Variants in SLC18A2 observed in about 807,000 individuals in gnomAD.
SLC18A2 encodes solute carrier family 18 member A2.
In SLC18A2, 33 loss-of-function variants were observed where a neutral mutation model predicts 59.2. The observed-to-expected ratio is 0.56, with a 90% CI of 0.42 to 0.75. The LOEUF (loss-of-function observed/expected upper bound fraction) is 0.75. SLC18A2 is among the 30% of genes least tolerant of loss of function. The pLI is 0.00. For missense variants in SLC18A2, 569 were observed against 668.6 expected, an observed-to-expected ratio of 0.85 and a Z score of 1.64; for synonymous variants, 228 against 253.5, an observed-to-expected ratio of 0.90 and a Z score of 0.95.
At chr10:117,258,940 C>A (rs994903171) in intron 10 of SLC18A2, among the ~76,000 whole-genome samples, 1 of 152,088 alleles carries the variant, frequency 6.6e-6, no homozygotes, top group Non-Finnish European at 1.5e-5. Flanking sequence ...CTAATGACAC[C>A]CCCTTTTTAA....
chr10:117,254,165 G>A (rs745395663), intron 5 of SLC18A2, 34 bp downstream of exon 5: 2 of 1,601,996 alleles, frequency 1.2e-6, no homozygotes, highest in Non-Finnish European at 1.7e-6. Context: ...GTTCGTGAGG[G>A]GCCCCTTGCA....
chr10:117,273,730 A>G (rs1479197465), intron 15 of SLC18A2, among the ~76,000 whole-genome samples: 1 of 152,226 alleles, frequency 6.6e-6, no homozygotes, highest in East Asian at 1.9e-4. Flanking sequence ...CCTACTCAGA[A>G]GGCCCAGGAC....
At chr10:117,258,013 C>G (rs1347065869) in intron 10 of SLC18A2, 121 bp downstream of exon 10, 1 of 628,348 alleles carries the variant, frequency 1.6e-6, no homozygotes, top group African/African-American at 1.8e-5. Context: ...TTCTGTTTGA[C>G]TCTTAATGGG....
rs968267761 is a variant in SLC18A2 at position 117,277,187 on chromosome 10, C to T, written c.1466C>T (p.Pro489Leu). ...GCTATTCTCATGGATCACAACTGCC[C>T]TATTAAAACAAAAATGTACACTCAG... ...KMAILMDHNC[P>L]IKTKMYTQNN... Residue 489 changes from proline (P) to leucine (L), a missense_variant, in exon 16 of 16, where the codon CCT (proline) becomes CTT (leucine). Physicochemically the swap from Pro to Leu is moderately conservative, Grantham distance 98 (BLOSUM62 -3). Coordinates refer to ENST00000644641, the MANE Select transcript of SLC18A2 (RefSeq NM_003054.6). The T allele has an allele frequency of 1.2e-6, 2 of 1,607,966 alleles. No individual in the cohort carries two copies. The highest frequency in any genetic ancestry group is 8.5e-7 in the Non-Finnish European group (1 of 1,175,266).
chr10:117,273,809 T>G (rs1725292941), intron 15 of SLC18A2, among the ~76,000 whole-genome samples: 1 of 152,232 alleles, frequency 6.6e-6, no homozygotes, highest in African/African-American at 2.4e-5. Flanking sequence ...TACCCCAGCT[T>G]TGTATTACTT....
In SLC18A2 at chr10:117,269,258, GAC is replaced by G. The variant is rs1844394447; in HGVS notation, c.1187-809_1187-808del. 1.3e-5 allele frequency among the ~76,000 whole-genome samples: 2 copies of G among 150,984 alleles called. No homozygotes were observed. The highest frequency in any genetic ancestry group is 6.6e-5 in the Admixed American group (1 of 15,146). ...GTACATACACAAACACATATACACA[GAC>G]ACATACACATGCAAACACATGTACA... On this transcript the variant is annotated intron_variant, in intron 13 of 15. Coordinates refer to ENST00000644641, the MANE Select transcript of SLC18A2 (RefSeq NM_003054.6). This position sits in a 1 kb window ranked among gnomAD's most constrained non-coding sequence, Gnocchi z 5.1.
chr10:117,259,420 C>T (rs919727739), intron 10 of SLC18A2, among the ~76,000 whole-genome samples: 4 of 152,154 alleles, frequency 2.6e-5, no homozygotes, highest in Non-Finnish European at 4.4e-5. Context: ...CCCATCACCC[C>T]AGCATCTTCT....
At chr10:117,266,429 C>T (rs1844349433) in intron 10 of SLC18A2, among the ~76,000 whole-genome samples, 2 of 152,198 alleles carry the variant, frequency 1.3e-5, no homozygotes, top group Admixed American at 6.5e-5. Flanking sequence ...GCTGAGCTCC[C>T]AGGCAGGAGC....
Position 117,241,723 on chromosome 10 carries a change from C to G in SLC18A2, c.30C>G (p.Arg10=). The G allele has an allele frequency of 6.2e-7, 1 of 1,605,868 alleles. No individual in the cohort carries two copies. The highest frequency in any genetic ancestry group is 8.5e-7 in the Non-Finnish European group (1 of 1,177,256). The change falls in exon 2 of 16, where the codon CGC becomes CGG. Residue 10 remains arginine, a synonymous_variant. Coordinates refer to ENST00000644641, the MANE Select transcript of SLC18A2 (RefSeq NM_003054.6). ...CCCTGAGCGAGCTGGCGCTGGTCCG[C>G]TGGCTGCAGGAGAGCCGCCGCTCGC... MALSELALV[R]WLQESRRSRK...
chr10:117,245,623 C>T (rs1188935156), intron 3 of SLC18A2, among the ~76,000 whole-genome samples: 3 of 151,894 alleles, frequency 2.0e-5, no homozygotes, highest in Non-Finnish European at 4.4e-5. Context: ...GTGTGCCCCA[C>T]ATTCAAACAT....
chr10:117,269,023 CAT>C lies in SLC18A2; in HGVS notation c.1187-1046_1187-1045del, dbSNP rs1438290890. On this transcript the variant is annotated intron_variant, in intron 13 of 15. Transcript: ENST00000644641. This position sits in a 1 kb window ranked among gnomAD's most constrained non-coding sequence, Gnocchi z 5.1. Reference sequence around the variant, plus strand: ...ACACACATACACACACTGACACACGCATACACACACACATACACACATACACC... The same window carrying C: ...ACACACATACACACACTGACACACGCACACACACACATACACACATACACC... Among the ~76,000 whole-genome samples the C allele has an allele frequency of 1.1e-4, 16 of 151,434 alleles. No homozygotes were observed. Among genetic ancestry groups the C allele is most frequent in the African/African-American group, 3.9e-4 (16 of 41,336 alleles).
intron 3 of SLC18A2, among the ~76,000 whole-genome samples, chr10:117,244,810 C>T (rs977642517): frequency 3.3e-5 from 5 of 152,192 alleles, no homozygotes; most frequent in African/African-American, 7.2e-5. Flanking sequence ...AAAGGTTGGA[C>T]GCACTGGTGC....
intron 3 of SLC18A2, among the ~76,000 whole-genome samples, chr10:117,248,899 A>G (rs1453922802): frequency 6.6e-6 from 1 of 152,166 alleles, no homozygotes; most frequent in Non-Finnish European, 1.5e-5. Context: ...TCATTGTCTC[A>G]GTGATCTGCT....
At chr10:117,267,239 T>G in intron 12 of SLC18A2, 2 of 559,902 alleles carry the variant, frequency 3.6e-6, no homozygotes, top group Non-Finnish European at 6.2e-6. Context: ...CAGAAATTAT[T>G]TAAAATGTTT....
At chr10:117,253,705 G>T (rs1844190876) in intron 4 of SLC18A2, among the ~76,000 whole-genome samples, 1 of 152,186 alleles carries the variant, frequency 6.6e-6, no homozygotes, top group Admixed American at 6.5e-5. Flanking sequence ...AGGTAGCCAG[G>T]TGTGGTGGCA....
Position 117,244,262 on chromosome 10 carries a change from A to T in SLC18A2, c.413A>T (p.Lys138Ile). ...NVQVGLLFAS[K>I]ATVQLITNPF... ...CAAGTTGGTCTGTTGTTTGCCTCGAAAGCCACCGTCCAGCTCATCACCAAC... is the reference window on the plus strand; with the variant it reads ...CAAGTTGGTCTGTTGTTTGCCTCGATAGCCACCGTCCAGCTCATCACCAAC... Residue 138 changes from lysine (K) to isoleucine (I), a missense_variant, in exon 3 of 16, where the codon AAA becomes ATA. By Grantham distance (102) the Lys-to-Ile change is moderately radical. Transcript: ENST00000644641. 1 of 1,614,206 alleles carries T rather than the reference A, an allele frequency of 6.2e-7. No homozygotes were observed. The highest frequency in any genetic ancestry group is 8.5e-7 in the Non-Finnish European group (1 of 1,180,038).
intron 10 of SLC18A2, among the ~76,000 whole-genome samples, 197 bp downstream of exon 10, chr10:117,258,089 C>G (rs1409635371): frequency 2.0e-5 from 3 of 152,114 alleles, no homozygotes; most frequent in African/African-American, 7.2e-5. Context: ...CTGAGGGGTG[C>G]AGAACTCACA....
intron 2 of SLC18A2, 136 bp downstream of exon 2, chr10:117,241,950 C>A: frequency 1.1e-6 from 1 of 890,870 alleles, no homozygotes; most frequent in Non-Finnish European, 1.6e-6. Context: ...GCAAAAAAGA[C>A]ATCCCCTCCA....
At chr10:117,255,933 C>G (rs986329655) in intron 9 of SLC18A2, among the ~76,000 whole-genome samples, 1 of 152,112 alleles carries the variant, frequency 6.6e-6, no homozygotes, top group Admixed American at 6.5e-5. Flanking sequence ...TGGGGATGCC[C>G]GGCTGGGTTT....
Sources: allele counts gnomAD v4.1 joint callset (sites outside exome capture counted in the v4.1 genomes callset), GRCh38; gene constraint gnomAD v4.1.1; non-coding constraint Gnocchi (gnomAD v3.1); transcripts MANE v1.5; gene names NCBI Gene and HGNC (gene_info 2026-07-23, HGNC 2026-07-21).